GRM4: variants seen among roughly 807,000 people sequenced by gnomAD.
The protein encoded by GRM4 is glutamate metabotropic receptor 4.
A neutral mutation model predicts 81.7 loss-of-function variants in GRM4; 28 were observed. The ratio of observed to expected loss-of-function variants is 0.34; its 90% confidence interval spans 0.25 to 0.47. GRM4 has a LOEUF of 0.47. Among genes scored for constraint, GRM4 ranks in the 20% least tolerant of loss-of-function variants. The pLI, the probability that GRM4 is intolerant of heterozygous loss-of-function variation, is 1.00. For synonymous variants in GRM4, 488 were observed against 528.8 expected (o/e 0.92, Z 1.06); for missense variants, 948 against 1,290.0 (o/e 0.73, Z 4.06).
rs958094010 is a variant in GRM4, at chr6:34,130,618, C to T, written c.519+2360G>A. ...CTGTCTGGGGCACTGAGCGTCTCAT[C>T]TCAAAATATCTATGTTCCCAAGAAC... On this transcript the variant is annotated intron_variant, in intron 2 of 10. Coordinates refer to ENST00000538487, the MANE Select transcript of GRM4 (RefSeq NM_000841.4). This position sits in a 1 kb window ranked among gnomAD's most constrained non-coding sequence, Gnocchi z 4.1. Among the ~76,000 whole-genome samples, 6 of 152,342 alleles carry T rather than the reference C, an allele frequency of 3.9e-5. No homozygotes were observed. In the South Asian group the frequency reaches 1.2e-3, roughly 32 times the overall value.
intron 10 of GRM4, among the ~76,000 whole-genome samples, chr6:34,024,034 C>A (rs562640233): frequency 6.6e-6 from 1 of 152,310 alleles, no homozygotes; most frequent in Non-Finnish European, 1.5e-5. Flanking sequence ...CGGTCAGGAT[C>A]TGTTGGCTCA....
chr6:34,040,215 T>C lies in GRM4; in HGVS notation c.1469A>G (p.Lys490Arg), dbSNP rs367884671. 5.0e-6 allele frequency: 8 copies of C among 1,614,042 alleles called. No homozygotes were observed. In the South Asian group the frequency reaches 5.5e-5, roughly 11 times the overall value. Residue 490 changes from lysine (K) to arginine (R), a missense_variant, in exon 8 of 11, where the codon AAG (lysine) becomes AGG (arginine). By Grantham distance (26) the Lys-to-Arg change is conservative (BLOSUM62 2). Transcript: ENST00000538487. ...YQLRNDSAEYKVIGSWTDHLH... is the reference protein window; with the variant it reads ...YQLRNDSAEYRVIGSWTDHLH... ...GTGGTCAGTCCAGGAGCCAATGACC[T>C]TGTACTCGGCAGAATCGTTGCGCAG... is the stretch of plus-strand genomic sequence containing the variant.
rs1274219731 is a variant in GRM4 at position 34,034,684 on chromosome 6, C to T, written c.2442+984G>A. Among the ~76,000 whole-genome samples the T allele has an allele frequency of 6.6e-6, 1 of 152,230 alleles. No homozygotes were observed. Among genetic ancestry groups the T allele is most frequent in the East Asian group, 1.9e-4 (1 of 5,202 alleles). The stretch of plus-strand genomic sequence containing the variant: ...CACCCACTGTGTCATGTGATTGTGA[C>T]AATACCTGGAAAGACTGCAGGGAAA... On this transcript the variant is annotated intron_variant, in intron 9 of 10. Coordinates refer to ENST00000538487, the MANE Select transcript of GRM4 (RefSeq NM_000841.4). The surrounding 1 kb of genome is among the most constrained non-coding windows in gnomAD (Gnocchi z 4.0).
upstream of GRM4, among the ~76,000 whole-genome samples, chr6:34,149,604 C>T (rs113346907): frequency 0.023 from 3,466 of 152,224 alleles, 111 homozygotes; most frequent in African/African-American, 0.066. Context: ...ACCTCAGCCC[C>T]GCTCCTTCAC....
At chr6:34,147,325 C>T (rs1260576438), upstream of GRM4, among the ~76,000 whole-genome samples, 1 of 152,238 alleles carries the variant, frequency 6.6e-6, no homozygotes, top group Non-Finnish European at 1.5e-5. Flanking sequence ...ATTCGGACCT[C>T]AGCACCACAC....
chr6:34,084,272 G>A (rs1383091517), intron 3 of GRM4, among the ~76,000 whole-genome samples: 5 of 152,222 alleles, frequency 3.3e-5, no homozygotes, highest in Non-Finnish European at 7.3e-5. Context: ...ACTCTGCAGC[G>A]TGTGCTGAGG....
intron 2 of GRM4, among the ~76,000 whole-genome samples, chr6:34,125,208 C>T (rs1330775310): frequency 6.6e-6 from 1 of 152,188 alleles, no homozygotes; most frequent in African/African-American, 2.4e-5. Flanking sequence ...CTCCTGACCT[C>T]GTGATCCGCC....
At chr6:34,056,731 C>G in intron 5 of GRM4, 47 bp from the exon 6 acceptor site, 1 of 1,584,944 alleles carries the variant, frequency 6.3e-7, no homozygotes, top group South Asian at 1.1e-5. Context: ...TTCTTCCCCA[C>G]CAGCCCCAGC....
chr6:34,046,613 T>C (rs527601706), intron 6 of GRM4, among the ~76,000 whole-genome samples: 2 of 152,302 alleles, frequency 1.3e-5, no homozygotes, highest in South Asian at 2.1e-4. Flanking sequence ...ATGCTCCAGC[T>C]CCGCCAGTCC....
At chr6:34,073,921 G>A (rs3103430) in intron 3 of GRM4, among the ~76,000 whole-genome samples, 12,443 of 152,188 alleles carry the variant, frequency 0.082, 1,089 homozygotes, top group African/African-American at 0.21. Flanking sequence ...CTCACTGGCT[G>A]GGGTGACCAT....
Position 34,133,140 on chromosome 6 carries a change from C to T in GRM4, c.357G>A (p.Ser119=), listed in dbSNP as rs374197166. Residue 119 remains serine, a synonymous_variant, in exon 2 of 11, where the codon TCG becomes TCA. Transcript: ENST00000538487. The surrounding 1 kb of genome is among the most constrained non-coding windows in gnomAD (Gnocchi z 6.5). ...CSRDTHALEQ[S]LTFVQALIEK... is the part of the protein sequence containing the mutation. ...CGATGAGCGCCTGCACAAAGGTCAG[C>T]GACTGCTCGAGGGCATGGGTGTCCC... 101 of 1,613,864 alleles carry T rather than the reference C, an allele frequency of 6.3e-5. No individual in the cohort carries two copies. Among genetic ancestry groups the T allele is most frequent in the Non-Finnish European group, 7.2e-5 (85 of 1,179,916 alleles).
In GRM4 at chr6:34,077,133, G is replaced by A. The variant is rs150062562; in HGVS notation, c.736+14750C>T. Among the ~76,000 whole-genome samples, 906 of 152,190 alleles carry A rather than the reference G, an allele frequency of 6.0e-3. 13 individuals are homozygous for A. Among genetic ancestry groups the A allele is most frequent in the African/African-American group, 0.021 (861 of 41,498 alleles). On this transcript the variant is annotated intron_variant, in intron 3 of 10. Transcript: ENST00000538487. The stretch of plus-strand genomic sequence containing the variant: ...CGTGTTACAGTGCAAGGGACTAGAC[G>A]CTCAAGTAATTGTGATAATCCAAAG...
At chr6:34,097,767 A>G (rs1768612128) in intron 2 of GRM4, among the ~76,000 whole-genome samples, 1 of 152,192 alleles carries the variant, frequency 6.6e-6, no homozygotes, top group Admixed American at 6.5e-5. Context: ...GGGTCTCTGA[A>G]GGCTGGAGCT....
chr6:34,120,414 C>T (rs1474260463), intron 2 of GRM4, among the ~76,000 whole-genome samples: 1 of 152,140 alleles, frequency 6.6e-6, no homozygotes, highest in Non-Finnish European at 1.5e-5. Context: ...CCCCTTCTTT[C>T]CCCCTGTTGG....
Position 34,070,997 on chromosome 6 carries a change from G to A in GRM4, c.737-8969C>T, listed in dbSNP as rs1766795451. Among the ~76,000 whole-genome samples, 1 of 151,614 alleles carries A rather than the reference G, an allele frequency of 6.6e-6. No homozygotes were observed. Among genetic ancestry groups the A allele is most frequent in the South Asian group, 2.1e-4 (1 of 4,794 alleles). ...AGGGCCATACGCACACACTGACAGAGTCACAGATCCCATAGTCCCACAGCC... is the reference window on the plus strand; with the variant it reads ...AGGGCCATACGCACACACTGACAGAATCACAGATCCCATAGTCCCACAGCC... On this transcript the variant is annotated intron_variant, in intron 3 of 10. Coordinates refer to ENST00000538487, the MANE Select transcript of GRM4 (RefSeq NM_000841.4). This position sits in a 1 kb window ranked among gnomAD's most constrained non-coding sequence, Gnocchi z 4.6.
chr6:34,092,074 G>A lies in GRM4; in HGVS notation c.545C>T (p.Thr182Ile). The change falls in exon 3 of 11, where the codon ACA (threonine) becomes ATA (isoleucine). Residue 182 changes from threonine (T) to isoleucine (I), a missense_variant. Thr to Ile is a moderately conservative substitution (Grantham distance 89). Coordinates refer to ENST00000538487, the MANE Select transcript of GRM4 (RefSeq NM_000841.4). The surrounding 1 kb of genome is among the most constrained non-coding windows in gnomAD (Gnocchi z 6.8). ...FKIPQISYAS[T>I]APDLSDNSRY... ...GCTGTTGTCACTCAGGTCTGGCGCT[G>A]TGGAGGCGTAGCTGATCTGGGGTAT... is the stretch of plus-strand genomic sequence containing the variant. 3 of 1,610,230 alleles carry A rather than the reference G, an allele frequency of 1.9e-6. No individual in the cohort carries two copies. The highest frequency in any genetic ancestry group is 2.5e-6 in the Non-Finnish European group (3 of 1,176,954).
intron 3 of GRM4, among the ~76,000 whole-genome samples, chr6:34,079,179 C>T (rs1335313692): frequency 1.3e-5 from 2 of 152,332 alleles, no homozygotes; most frequent in East Asian, 1.9e-4. Flanking sequence ...CCGGGGAAAG[C>T]GCTCTCTGCC....
At chr6:34,116,463 G>C (rs1030595241) in intron 2 of GRM4, among the ~76,000 whole-genome samples, 2 of 152,224 alleles carry the variant, frequency 1.3e-5, no homozygotes, top group African/African-American at 4.8e-5. Flanking sequence ...TTGCCTGGTA[G>C]AGCTGACACC....
Position 34,020,214 on chromosome 6 carries a change from G to A in GRM4, c.*2607C>T, listed in dbSNP as rs1325766017. On this transcript the variant is annotated 3_prime_UTR_variant, in exon 11 of 11. Coordinates refer to ENST00000538487, the MANE Select transcript of GRM4 (RefSeq NM_000841.4). The stretch of plus-strand genomic sequence containing the variant: ...CAGGGCTATTTCTTCCCACTGGCAG[G>A]GGACTGGTAGTCCCTGAGGGCCCCT... 1 of 152,234 alleles carries A rather than the reference G, an allele frequency of 6.6e-6. No homozygotes were observed. Among genetic ancestry groups the A allele is most frequent in the Non-Finnish European group, 1.5e-5 (1 of 68,078 alleles). The allele number at this position is 152,234 out of a possible 1,614,324, so 9.4% of individuals were successfully genotyped here. A position where few individuals can be genotyped will look rare whatever the true frequency, so the allele number is the denominator to read the frequency against.
Sources: allele counts gnomAD v4.1 joint callset (sites outside exome capture counted in the v4.1 genomes callset), GRCh38; gene constraint gnomAD v4.1.1; non-coding constraint Gnocchi (gnomAD v3.1); transcripts MANE v1.5; gene names NCBI Gene and HGNC (gene_info 2026-07-23, HGNC 2026-07-21).